FMN1: variants seen among roughly 807,000 people sequenced by gnomAD.
FMN1 encodes formin-1.
Under a neutral mutation model 132.4 loss-of-function variants are expected in FMN1, and 110 were observed. The observed-to-expected ratio is 0.83, with a 90% CI of 0.71 to 0.97. The LOEUF (loss-of-function observed/expected upper bound fraction) is 0.97. FMN1 is among the 50% of genes least tolerant of loss of function. FMN1 has a pLI of 0.00. For missense variants in FMN1, 1,792 were observed against 1,705.3 expected (o/e 1.05, Z -0.90); for synonymous variants, 722 against 651.7 (o/e 1.11, Z -1.64).
At chr15:33,106,780 CT>C (rs1237697985) in intron 4 of FMN1, among the ~76,000 whole-genome samples, 2 of 152,066 alleles carry the variant, frequency 1.3e-5, no homozygotes, top group Non-Finnish European at 2.9e-5. Flanking sequence ...GTAGCATCCC[CT>C]CCCCAATCCC....
intron 5 of FMN1, among the ~76,000 whole-genome samples, chr15:33,069,596 T>TG (rs2037904681): frequency 2.0e-5 from 3 of 152,226 alleles, no homozygotes. Context: ...TCTTCAGTAC[T>TG]AAAAACAATC....
At chr15:32,929,765 C>CTT (rs34841652) in intron 9 of FMN1, among the ~76,000 whole-genome samples, 9,345 of 145,258 alleles carry the variant, frequency 0.064, 403 homozygotes, top group Middle Eastern at 0.15. Flanking sequence ...ACAAGATTTC[C>CTT]TTTTTTTTTT....
intron 9 of FMN1, among the ~76,000 whole-genome samples, chr15:32,941,570 G>C (rs1179310663): frequency 2.0e-5 from 3 of 152,056 alleles, no homozygotes; most frequent in African/African-American, 7.2e-5. Context: ...TCCACTCCTA[G>C]TCTATGATCC....
chr15:33,083,761 A>C (rs2038580795), intron 5 of FMN1, among the ~76,000 whole-genome samples: 1 of 152,194 alleles, frequency 6.6e-6, no homozygotes, highest in African/African-American at 2.4e-5. Context: ...TAGATTAGGC[A>C]TTCTTAGTCA....
chr15:33,150,572 T>A (rs531531553), intron 4 of FMN1: 2 of 985,448 alleles, frequency 2.0e-6, no homozygotes, highest in South Asian at 4.7e-5. Context: ...ACATCCTGCA[T>A]GAATGGTAAT....
intron 2 of FMN1, among the ~76,000 whole-genome samples, chr15:33,188,778 GA>G: frequency 6.6e-6 from 1 of 152,036 alleles, no homozygotes; most frequent in Non-Finnish European, 1.5e-5. Context: ...ACTTCCTAAA[GA>G]GAAGTTGAGT....
At chr15:32,803,335 C>T (rs528326407) in intron 18 of FMN1, among the ~76,000 whole-genome samples, 2 of 152,268 alleles carry the variant, frequency 1.3e-5, no homozygotes, top group Admixed American at 1.3e-4. Flanking sequence ...TGTCTATTGC[C>T]ACTCACTCTT....
chr15:32,809,945 G>A (rs1595975526), intron 17 of FMN1, among the ~76,000 whole-genome samples: 1 of 151,974 alleles, frequency 6.6e-6, no homozygotes, highest in Admixed American at 6.5e-5. Flanking sequence ...TTTGAGACAG[G>A]GTCTTGTTCT....
At chr15:32,837,016 A>G (rs1285562566) in intron 17 of FMN1, 4 of 229,830 alleles carry the variant, frequency 1.7e-5, no homozygotes, top group Non-Finnish European at 4.0e-5. Context: ...GTCTCCTGGG[A>G]GACACAGACC....
intron 15 of FMN1, among the ~76,000 whole-genome samples, chr15:32,891,541 GT>G (rs1454085215): frequency 1.3e-5 from 2 of 152,142 alleles, no homozygotes; most frequent in African/African-American, 4.8e-5. Flanking sequence ...GCCTAGAGTT[GT>G]TTTTTTCTAA....
At chr15:32,785,218 A>ATATATATATTT (rs1444523400) in intron 19 of FMN1, among the ~76,000 whole-genome samples, 9 of 39,202 alleles carry the variant, frequency 2.3e-4, no homozygotes, top group South Asian at 9.1e-4. Context: ...ATATATATAT[A>ATATATATATTT]TTTTTTTTTT....
At chr15:33,046,512 G>A (rs2141147874) in intron 6 of FMN1, among the ~76,000 whole-genome samples, 1 of 152,252 alleles carries the variant, frequency 6.6e-6, no homozygotes, top group Non-Finnish European at 1.5e-5. Context: ...CAAGTATTTT[G>A]CTCTGGCCAG....
At chr15:33,069,993 C>CTCTCTCTTT (rs398026774) in intron 5 of FMN1, among the ~76,000 whole-genome samples, 6 of 74,292 alleles carry the variant, frequency 8.1e-5, no homozygotes, top group Admixed American at 1.9e-4. Context: ...CAGTCTTTCT[C>CTCTCTCTTT]TTTTTTTTTT....
chr15:32,797,194 G>A (rs16958952), intron 19 of FMN1, among the ~76,000 whole-genome samples: 1 of 152,160 alleles, frequency 6.6e-6, no homozygotes, highest in Non-Finnish European at 1.5e-5. Flanking sequence ...GTGGAATACA[G>A]TTATTTCAAC....
intron 17 of FMN1, among the ~76,000 whole-genome samples, chr15:32,833,051 C>T (rs1023552751): frequency 6.6e-5 from 10 of 152,042 alleles, no homozygotes; most frequent in South Asian, 2.1e-4. Flanking sequence ...CTCCTTTCTC[C>T]CCTCCTCCTC....
intron 16 of FMN1, among the ~76,000 whole-genome samples, chr15:32,857,470 G>A (rs915062950): frequency 3.9e-5 from 6 of 152,052 alleles, no homozygotes; most frequent in African/African-American, 1.4e-4. Flanking sequence ...GAAATTAAGG[G>A]CCTCAGCCCT....
chr15:33,023,442 A>G (rs2141026491), intron 6 of FMN1, among the ~76,000 whole-genome samples: 1 of 152,338 alleles, frequency 6.6e-6, no homozygotes, highest in African/African-American at 2.4e-5. Context: ...CCTTACCAAA[A>G]TAAAGGCAAG....
At chr15:33,070,122 C>T (rs1176127794) in intron 5 of FMN1, among the ~76,000 whole-genome samples, 2 of 149,214 alleles carry the variant, frequency 1.3e-5, no homozygotes, top group African/African-American at 4.9e-5. Context: ...TCTTCTGCCT[C>T]GGCCTCCTGA....
chr15:33,051,289 A>G (rs2036959413), intron 6 of FMN1, among the ~76,000 whole-genome samples: 1 of 152,170 alleles, frequency 6.6e-6, no homozygotes, highest in South Asian at 2.1e-4. Flanking sequence ...GGGAAAGGTT[A>G]AGGTGAATTA....
Sources: allele counts gnomAD v4.1 joint callset (sites outside exome capture counted in the v4.1 genomes callset), GRCh38; gene constraint gnomAD v4.1.1; transcripts MANE v1.5; gene names NCBI Gene and HGNC (gene_info 2026-07-23, HGNC 2026-07-21).